Variants in HSP90AA1 observed in about 807,000 individuals in gnomAD.
HSP90AA1 encodes the protein heat shock protein 90 alpha family class A member 1.
In HSP90AA1, 18 loss-of-function variants were observed where a neutral mutation model predicts 73.3. That is an observed-to-expected ratio of 0.25 (90% CI 0.17 to 0.36). The LOEUF is 0.36. Ranked by LOEUF, HSP90AA1 falls within the 10% of genes least tolerant of loss-of-function variation. The pLI, the probability that HSP90AA1 is intolerant of heterozygous loss-of-function variation, is 1.00. For synonymous variants in HSP90AA1, 477 were observed against 296.9 expected, an observed-to-expected ratio of 1.61 and a Z score of -6.24; for missense variants, 704 against 874.2, an observed-to-expected ratio of 0.81 and a Z score of 2.45.
chr14:102,139,550 T>G (rs1003312931), exon 1 of HSP90AA1: 83 of 851,202 alleles, frequency 9.8e-5, no homozygotes, highest in Admixed American at 1.2e-4. Context: ...CACCTCAGGC[T>G]CATGACACCA....
chr14:102,115,925 T>C (rs1446561801), intron 1 of HSP90AA1, among the ~76,000 whole-genome samples: 2 of 151,998 alleles, frequency 1.3e-5, no homozygotes, highest in Non-Finnish European at 2.9e-5. Context: ...TATTTTAATT[T>C]GTATTTTTCT....
chr14:102,102,137 T>G, intron 1 of HSP90AA1: 2 of 1,511,506 alleles, frequency 1.3e-6, no homozygotes, highest in Non-Finnish European at 1.8e-6. Context: ...ATAACAGAGA[T>G]AGGGCGGCAG....
chr14:102,139,740 C>A, upstream of HSP90AA1: 1 of 903,338 alleles, frequency 1.1e-6, no homozygotes, highest in Non-Finnish European at 1.6e-6. Flanking sequence ...GTGAGCACGC[C>A]TGCGCAGTCG....
chr14:102,099,841 C>G (rs1487591088), intron 2 of HSP90AA1, among the ~76,000 whole-genome samples: 1 of 151,562 alleles, frequency 6.6e-6, no homozygotes, highest in Non-Finnish European at 1.5e-5. Flanking sequence ...CCCTGGGTTT[C>G]CTGTCATTAG....
At chr14:102,133,329 C>T (rs1403462307) in intron 1 of HSP90AA1, among the ~76,000 whole-genome samples, 1 of 151,992 alleles carries the variant, frequency 6.6e-6, no homozygotes, top group African/African-American at 2.4e-5. Flanking sequence ...TGATAAGACT[C>T]TAATGATATA....
chr14:102,139,667 G>A (rs2050214207), exon 1 of HSP90AA1: 1 of 652,450 alleles, frequency 1.5e-6, no homozygotes, highest in African/African-American at 1.8e-5. Context: ...AAGCAGCCAT[G>A]CCGCCCGGAG....
chr14:102,087,687 C>T (rs2049280235), upstream of HSP90AA1, among the ~76,000 whole-genome samples: 1 of 152,178 alleles, frequency 6.6e-6, no homozygotes, highest in Admixed American at 6.5e-5. Flanking sequence ...GTCCCGCGGC[C>T]TGCGCGCTCG....
chr14:102,084,741 C>A lies in HSP90AA1; in HGVS notation c.921G>T (p.Glu307Asp), dbSNP rs144736763. 6.2e-7 allele frequency: 1 copy of A among 1,614,162 alleles called. No individual in the cohort carries two copies. Among genetic ancestry groups the A allele is most frequent in the Non-Finnish European group, 8.5e-7 (1 of 1,180,036 alleles). ...AGCTCTTATAGAATTCTCCGTACTC[C>A]TCATTAGTAATATCGTCGGGATTTC... ...WTRNPDDITN[E>D]EYGEFYKSLT... is the part of the protein sequence containing the mutation. The change falls in exon 5 of 11, where the codon GAG (glutamate) becomes GAT (aspartate). Residue 307 changes from glutamate to aspartate, a missense_variant. Coordinates refer to ENST00000216281, the MANE Select transcript of HSP90AA1 (RefSeq NM_005348.4).
upstream of HSP90AA1, chr14:102,087,281 C>A (rs2049268862): frequency 4.3e-6 from 2 of 467,788 alleles, no homozygotes; most frequent in African/African-American, 4.3e-5. Context: ...GCGCGCCTCT[C>A]GCACGCCCCC....
chr14:102,111,075 G>A lies in HSP90AA1; in HGVS notation c.156-8990C>T, dbSNP rs562254842. On this transcript the variant is annotated intron_variant, in intron 1 of 11. Transcript: ENST00000334701. Reference sequence around the variant, plus strand: ...TAAAAGTTTGGAAAATTTGCAGCCTGGAAATGCACTAGAAAAGAAAATCCC... The same window carrying A: ...TAAAAGTTTGGAAAATTTGCAGCCTAGAAATGCACTAGAAAAGAAAATCCC... Among the ~76,000 whole-genome samples the A allele has an allele frequency of 7.2e-5, 11 of 152,320 alleles. No homozygotes were observed. The South Asian group carries it at 1.9e-3, about 26-fold the overall frequency.
At position 102,084,713 on chromosome 14, in the gene HSP90AA1, T is replaced by G; in HGVS notation, c.949A>C (p.Thr317Pro). Residue 317 changes from threonine to proline, a missense_variant, in exon 5 of 11, where the codon ACC (threonine) becomes CCC (proline). Physicochemically the swap from Thr to Pro is conservative, Grantham distance 38 (BLOSUM62 -1). Transcript: ENST00000216281. ...EEYGEFYKSL[T>P]NDWEDHLAVK... ...GCCAAGTGATCTTCCCAGTCATTGG[T>G]CAAGCTCTTATAGAATTCTCCGTAC... 6.2e-7 allele frequency: 1 copy of G among 1,614,068 alleles called. No individual in the cohort carries two copies. Among genetic ancestry groups the G allele is most frequent in the Non-Finnish European group, 8.5e-7 (1 of 1,179,986 alleles).
At chr14:102,085,468 C>G in intron 3 of HSP90AA1, 37 bp from the exon 4 acceptor site, 1 of 1,257,062 alleles carries the variant, frequency 8.0e-7, no homozygotes, top group East Asian at 2.5e-5. Context: ...TTAATACATT[C>G]AATTTAGTGC....
chr14:102,119,424 T>C (rs559452695), intron 1 of HSP90AA1, among the ~76,000 whole-genome samples: 1 of 152,080 alleles, frequency 6.6e-6, no homozygotes, highest in Non-Finnish European at 1.5e-5. Flanking sequence ...TTCTTAGGGG[T>C]TTTATCTTAT....
intron 1 of HSP90AA1, among the ~76,000 whole-genome samples, chr14:102,119,462 A>G (rs2049746656): frequency 1.3e-5 from 2 of 152,082 alleles, no homozygotes; most frequent in Admixed American, 1.3e-4. Flanking sequence ...GGAAACTTCT[A>G]TCATATCTAC....
chr14:102,123,127 G>A (rs995629773), intron 1 of HSP90AA1, among the ~76,000 whole-genome samples: 1 of 151,890 alleles, frequency 6.6e-6, no homozygotes, highest in African/African-American at 2.4e-5. Context: ...AGGCACAGTG[G>A]CTCATGCCTG....
At chr14:102,087,698 G>T (rs1595661479), upstream of HSP90AA1, among the ~76,000 whole-genome samples, 1 of 152,156 alleles carries the variant, frequency 6.6e-6, no homozygotes, top group Non-Finnish European at 1.5e-5. Flanking sequence ...TGCGCGCTCG[G>T]GGATTCTCCA....
At chr14:102,083,330 C>A (rs1467038487) in intron 8 of HSP90AA1, 28 bp from the exon 9 acceptor site, 1 of 1,612,770 alleles carries the variant, frequency 6.2e-7, no homozygotes, top group Admixed American at 1.7e-5. Flanking sequence ...TACTTTTAGA[C>A]CTTTTAACAG....
intron 1 of HSP90AA1, among the ~76,000 whole-genome samples, chr14:102,112,301 C>A (rs1464223223): frequency 3.9e-5 from 6 of 152,034 alleles, no homozygotes; most frequent in African/African-American, 1.2e-4. Context: ...GCCTCCTGAG[C>A]AGCTGGGATT....
chr14:102,092,471 T>A lies in HSP90AA1; in HGVS notation c.367-6093A>T, dbSNP rs116802223. ...CCTTGTTTAATGGCCCAGAATATGG[T>A]CTATTTTGTTTAAATGTTCTTTTTG... On this transcript the variant is annotated intron_variant, in intron 2 of 11. Coordinates refer to the HSP90AA1 transcript ENST00000334701. Among the ~76,000 whole-genome samples the A allele has an allele frequency of 6.1e-3, 926 of 152,334 alleles. 9 individuals carry two copies. The highest frequency in any genetic ancestry group is 0.021 in the African/African-American group (884 of 41,562).
Sources: gnomAD v4.1 joint callset for allele counts (sites outside exome capture counted in the v4.1 genomes callset) on GRCh38, gnomAD v4.1.1 for gene constraint, MANE v1.5 for transcripts, NCBI Gene and HGNC (gene_info 2026-07-23, HGNC 2026-07-21) for gene names.